The following FXR1 variants were observed in gnomAD, a reference collection of about 807,000 sequenced individuals.
FXR1 encodes RNA-binding protein FXR1.
In FXR1, 15 loss-of-function variants were observed where a neutral mutation model predicts 84.0. That is an observed-to-expected ratio of 0.18 (90% CI 0.12 to 0.27). FXR1 has a LOEUF of 0.27. Ranked by LOEUF, FXR1 falls within the 10% of genes least tolerant of loss-of-function variation. The pLI is 1.00. For synonymous variants in FXR1, 245 were observed against 250.7 expected (o/e 0.98, Z 0.21); for missense variants, 480 against 774.4 (o/e 0.62, Z 4.51).
chr3:180,981,786 C>G lies in FXR1; in HGVS notation c.*5494C>G, dbSNP rs1560035553. The G allele has an allele frequency of 1.3e-5, 2 of 152,060 alleles. No individual in the cohort carries two copies. The highest frequency in any genetic ancestry group is 1.3e-4 in the Admixed American group (2 of 15,254). The allele number at this position is 152,060 out of a possible 1,614,324, so 9.4% of individuals were successfully genotyped here. The stretch of plus-strand genomic sequence containing the variant: ...AAATGTGGAAGAATCTTCACAATTT[C>G]AAGTTGGTCATGTATATTTCCCTTT... On this transcript the variant is annotated 3_prime_UTR_variant, in exon 17 of 17. Transcript: ENST00000357559.
At chr3:180,963,853 A>G (rs889976747) in intron 13 of FXR1, among the ~76,000 whole-genome samples, 13 of 151,602 alleles carry the variant, frequency 8.6e-5, no homozygotes, top group African/African-American at 3.1e-4. Flanking sequence ...CTTAGCAGTG[A>G]CCTGATTTGT....
intron 5 of FXR1, 51 bp downstream of exon 5, chr3:180,948,546 T>C (rs780126319): frequency 7.4e-7 from 1 of 1,346,336 alleles, no homozygotes; most frequent in Non-Finnish European, 1.0e-6. Flanking sequence ...AGAAGATTTT[T>C]CAGTCCTACA....
intron 10 of FXR1, among the ~76,000 whole-genome samples, chr3:180,958,557 A>G (rs1357564036): frequency 1.3e-5 from 2 of 152,112 alleles, no homozygotes; most frequent in Non-Finnish European, 2.9e-5. Context: ...TGCAAAAGAC[A>G]TTATTTTGTT....
chr3:180,943,856 G>A (rs927676275), intron 3 of FXR1, among the ~76,000 whole-genome samples: 1 of 152,054 alleles, frequency 6.6e-6, no homozygotes, highest in South Asian at 2.1e-4. Context: ...ATTAACAAGA[G>A]ATATTCGAAC....
intron 7 of FXR1, 74 bp downstream of exon 7, chr3:180,949,417 G>GTT: frequency 1.2e-6 from 1 of 807,954 alleles, no homozygotes; most frequent in Non-Finnish European, 2.2e-6. Flanking sequence ...GACAGATTCT[G>GTT]GCTCTGTTGC....
intron 1 of FXR1, among the ~76,000 whole-genome samples, chr3:180,921,372 T>TAAAA (rs71182558): frequency 7.6e-6 from 1 of 131,066 alleles, no homozygotes; most frequent in South Asian, 2.4e-4. Flanking sequence ...AAACTCCATC[T>TAAAA]AAAAAAAAAA....
In FXR1 at chr3:180,919,288, GTT is replaced by G. The variant is rs3071953; in HGVS notation, c.51+6565_51+6566del. The stretch of plus-strand genomic sequence containing the variant: ...TAAATTTTATTTTTTTTTTATTTTT[GTT>G]TTTTTTTTTTTTGAGCCAGAGTCTT... On this transcript the variant is annotated intron_variant, in intron 1 of 16. Coordinates refer to ENST00000357559, the MANE Select transcript of FXR1 (RefSeq NM_005087.4). 1.8e-3 allele frequency among the ~76,000 whole-genome samples: 248 copies of G among 135,622 alleles called. 1 individual carries two copies. Among genetic ancestry groups the G allele is most frequent in the African/African-American group, 6.5e-3 (234 of 36,176 alleles). 89.0% of individuals were successfully genotyped at this position (135,622 alleles called of 152,430 possible). A position where few individuals can be genotyped will look rare whatever the true frequency, so the allele number is the denominator to read the frequency against.
chr3:180,948,547 C>T (rs1721918537), intron 5 of FXR1, 52 bp downstream of exon 5: 1 of 1,337,856 alleles, frequency 7.5e-7, no homozygotes, highest in South Asian at 1.3e-5. Flanking sequence ...GAAGATTTTT[C>T]AGTCCTACAA....
chr3:180,971,732 G>GT (rs1156394202), intron 15 of FXR1: 2 of 151,584 alleles, frequency 1.3e-5, no homozygotes, highest in Non-Finnish European at 3.0e-5. Context: ...TACTTACTTA[G>GT]TTTTAGAATG....
chr3:180,958,822 T>C (rs979230518), intron 10 of FXR1, among the ~76,000 whole-genome samples: 98 of 150,768 alleles, frequency 6.5e-4, no homozygotes, highest in African/African-American at 2.0e-3. Context: ...TTTTTTTTTT[T>C]CCTGGAGACA....
Position 180,957,889 on chromosome 3 carries a change from A to G in FXR1, c.951A>G (p.Arg317=). 1.3e-6 allele frequency: 2 copies of G among 1,579,080 alleles called. No individual in the cohort carries two copies. The highest frequency in any genetic ancestry group is 1.3e-5 in the African/African-American group (1 of 74,136). The change falls in exon 10 of 17, where the codon AGA becomes AGG. Residue 317 remains arginine (R), a synonymous_variant. Coordinates refer to ENST00000357559, the MANE Select transcript of FXR1 (RefSeq NM_005087.4). ...ACAAATCTGGTGTGGTTCGAGTGAG[A>G]ATTGAAGGGGACAATGAAAATAAAT... ...IVDKSGVVRV[R]IEGDNENKLP... is the part of the protein sequence containing the mutation.
At chr3:180,958,252 A>G (rs1466055542) in intron 10 of FXR1, among the ~76,000 whole-genome samples, 2 of 151,782 alleles carry the variant, frequency 1.3e-5, no homozygotes, top group Middle Eastern at 3.2e-3. Flanking sequence ...TTTTTTTTCA[A>G]TAGTTTTTGG....
At chr3:180,912,856 G>A (rs1717386158) in intron 1 of FXR1, 120 bp downstream of exon 1, 1 of 1,568,960 alleles carries the variant, frequency 6.4e-7, no homozygotes, top group Non-Finnish European at 8.7e-7. Context: ...AAAGCTCGAG[G>A]CCGCTGGATT....
intron 1 of FXR1, among the ~76,000 whole-genome samples, chr3:180,913,885 G>T (rs1341644519): frequency 6.6e-6 from 1 of 152,136 alleles, no homozygotes; most frequent in African/African-American, 2.4e-5. Context: ...ATTCTCACAG[G>T]TTTTCATTTC....
chr3:180,962,834 A>G, intron 11 of FXR1, 49 bp from the exon 12 acceptor site: 1 of 1,332,688 alleles, frequency 7.5e-7, no homozygotes. Context: ...CTTTAGGAAA[A>G]CAAAAAGTTA....
chr3:180,922,490 CTTTTGCCCAT>C, intron 1 of FXR1, among the ~76,000 whole-genome samples: 1 of 152,262 alleles, frequency 6.6e-6, no homozygotes, highest in African/African-American at 2.4e-5. Context: ...AATTGCCTGT[CTTTTGCCCAT>C]TTTTTTGTTG....
intron 1 of FXR1, among the ~76,000 whole-genome samples, chr3:180,913,133 C>T (rs973122206): frequency 2.0e-5 from 3 of 152,050 alleles, no homozygotes; most frequent in African/African-American, 4.8e-5. Flanking sequence ...TCCCCCGCCC[C>T]TCGAACTGGG....
chr3:180,957,689 T>C, intron 9 of FXR1, 130 bp from the exon 10 acceptor site: 1 of 549,688 alleles, frequency 1.8e-6, no homozygotes, highest in Non-Finnish European at 3.3e-6. Context: ...AGTTAATTGA[T>C]AGTAAAAAGA....
intron 8 of FXR1, 104 bp downstream of exon 8, chr3:180,951,572 A>G: frequency 1.2e-6 from 1 of 829,612 alleles, no homozygotes; most frequent in Admixed American, 2.6e-5. Flanking sequence ...TTTTTGAGGT[A>G]GAATTTATTC....
Sources: gnomAD v4.1 joint callset for allele counts (sites outside exome capture counted in the v4.1 genomes callset) on GRCh38, gnomAD v4.1.1 for gene constraint, MANE v1.5 for transcripts, NCBI Gene and HGNC (gene_info 2026-07-23, HGNC 2026-07-21) for gene names.